SLC5A5: variants seen among roughly 807,000 people sequenced by gnomAD.
The protein encoded by SLC5A5 is solute carrier family 5 member 5.
A neutral mutation model predicts 68.6 loss-of-function variants in SLC5A5; 56 were observed. The ratio of observed to expected loss-of-function variants is 0.82; its 90% CI spans 0.66 to 1.02. SLC5A5 has a LOEUF of 1.02. Among genes scored for constraint, SLC5A5 ranks in the 50% least tolerant of loss-of-function variants. The pLI is 0.00. For missense variants in SLC5A5, 807 were observed against 859.8 expected, an observed-to-expected ratio of 0.94 and a Z score of 0.77; for synonymous variants, 398 against 373.0, an observed-to-expected ratio of 1.07 and a Z score of -0.77.
chr19:17,889,417 G>GGAAGGAAGGAAGGAAA (rs2030068226), intron 13 of SLC5A5, among the ~76,000 whole-genome samples: 1 of 117,748 alleles, frequency 8.5e-6, no homozygotes, highest in African/African-American at 3.1e-5. Context: ...AAAGAAAGAA[G>GGAAGGAAGGAAGGAAA]GAAGGAAGGA....
Position 17,877,738 on chromosome 19 carries a change from G to T in SLC5A5, c.714G>T (p.Pro238=). 1 of 1,614,126 alleles carries T rather than the reference G, an allele frequency of 6.2e-7. No individual in the cohort carries two copies. Among genetic ancestry groups the T allele is most frequent in the African/African-American group, 1.3e-5 (1 of 75,044 alleles). The change falls in exon 6 of 15, where the codon CCG becomes CCT. Residue 238 remains proline, a synonymous_variant. Coordinates refer to ENST00000222248, the MANE Select transcript of SLC5A5 (RefSeq NM_000453.3). ...CCCCACCCAGCTTTAACCCTGACCC[G>T]AGGAGCCGCTATACATTCTGGACTT... is the stretch of plus-strand genomic sequence containing the variant. ...RINLMDFNPD[P]RSRYTFWTFV...
At chr19:17,888,971 T>A (rs921922144) in intron 13 of SLC5A5, among the ~76,000 whole-genome samples, 1 of 150,852 alleles carries the variant, frequency 6.6e-6, no homozygotes, top group African/African-American at 2.4e-5. Flanking sequence ...AAAAAAGAAG[T>A]GTGTGTGTAT....
chr19:17,872,345 G>C lies in SLC5A5; in HGVS notation c.26G>C (p.Arg9Pro). MEAVETGE[R>P]PTFGAWDYGV... ...ATGGAGGCCGTGGAGACCGGGGAAC[G>C]GCCCACCTTCGGAGCCTGGGACTAC... The change falls in exon 1 of 15, where the codon CGG becomes CCG. Residue 9 changes from arginine to proline, a missense_variant. Transcript: ENST00000222248. The C allele has an allele frequency of 1.3e-6, 2 of 1,584,044 alleles. No homozygotes were observed. Among genetic ancestry groups the C allele is most frequent in the Non-Finnish European group, 1.7e-6 (2 of 1,165,998 alleles).
At position 17,882,149 on chromosome 19, in the gene SLC5A5, C is replaced by T; in HGVS notation, c.1172C>T (p.Ser391Leu). 6.2e-7 allele frequency: 1 copy of T among 1,614,098 alleles called. No homozygotes were observed. The highest frequency in any genetic ancestry group is 8.5e-7 in the Non-Finnish European group (1 of 1,179,952). The change falls in exon 10 of 15, where the codon TCA (serine) becomes TTA (leucine). Residue 391 changes from serine to leucine, a missense_variant and splice_region_variant. Physicochemically the swap from Ser to Leu is moderately radical, Grantham distance 145 (BLOSUM62 -2). Coordinates refer to ENST00000222248, the MANE Select transcript of SLC5A5 (RefSeq NM_000453.3). ...ACCGTGCCATCCTCATCCACTACAGCACTCATCTACGGATCGGCCTGTCTC... is the reference window on the plus strand; with the variant it reads ...ACCGTGCCATCCTCATCCACTACAGTACTCATCTACGGATCGGCCTGTCTC... ...RKLVIISKGL[S>L]LIYGSACLTV...
At chr19:17,876,498 C>CG (rs895380664) in intron 5 of SLC5A5, among the ~76,000 whole-genome samples, 2 of 148,860 alleles carry the variant, frequency 1.3e-5, no homozygotes, top group Non-Finnish European at 3.0e-5. Context: ...GAGGCCAAGG[C>CG]GGGGGGATCA....
chr19:17,885,505 A>G (rs2094331195), intron 12 of SLC5A5, among the ~76,000 whole-genome samples: 1 of 150,952 alleles, frequency 6.6e-6, no homozygotes, highest in Admixed American at 6.6e-5. Context: ...CAGCCTCCCA[A>G]GTAGCTGGGA....
intron 7 of SLC5A5, among the ~76,000 whole-genome samples, chr19:17,878,995 A>C (rs1005048976): frequency 6.7e-6 from 1 of 150,106 alleles, no homozygotes; most frequent in South Asian, 2.1e-4. Context: ...AAAACAAAAA[A>C]AAAAAACCAA....
chr19:17,876,149 G>A (rs758419290), intron 5 of SLC5A5, 43 bp downstream of exon 5: 14 of 1,604,326 alleles, frequency 8.7e-6, no homozygotes, highest in Non-Finnish European at 1.1e-5. Context: ...ATGGGGCTGG[G>A]ACCAGTGCGG....
intron 9 of SLC5A5, 32 bp downstream of exon 9, chr19:17,882,104 AG>A: frequency 6.2e-7 from 1 of 1,608,396 alleles, no homozygotes; most frequent in Non-Finnish European, 8.5e-7. Flanking sequence ...GTGGGAGGCC[AG>A]GGCAGTCCCT....
chr19:17,884,154 A>C, intron 12 of SLC5A5, 108 bp downstream of exon 12: 1 of 1,032,758 alleles, frequency 9.7e-7, no homozygotes, highest in African/African-American at 1.6e-5. Flanking sequence ...AGTAAAATGC[A>C]TTCCTGGGGG....
intron 5 of SLC5A5, among the ~76,000 whole-genome samples, chr19:17,877,033 A>T (rs563736731): frequency 5.9e-4 from 83 of 141,782 alleles, no homozygotes; most frequent in African/African-American, 1.7e-3. Context: ...CTCCATCTTT[A>T]AAAAAAAAAA....
intron 8 of SLC5A5, among the ~76,000 whole-genome samples, 174 bp downstream of exon 8, chr19:17,881,127 ACAGGGACCCCAAC>A (rs1243738598): frequency 3.9e-5 from 6 of 152,196 alleles, no homozygotes. Flanking sequence ...TGCCCTGGGC[ACAGGGACCCCAAC>A]TGCAAGGGTT....
chr19:17,886,721 C>T (rs1228551040), intron 12 of SLC5A5, among the ~76,000 whole-genome samples: 1 of 152,192 alleles, frequency 6.6e-6, no homozygotes, highest in Non-Finnish European at 1.5e-5. Flanking sequence ...CGCCAATACT[C>T]ATTATTCTCC....
rs1486757406 is a variant in SLC5A5 at position 17,880,967 on chromosome 19, C to T, written c.1058+14C>T. 1.9e-6 allele frequency: 3 copies of T among 1,597,726 alleles called. No homozygotes were observed. Among genetic ancestry groups the T allele is most frequent in the South Asian group, 1.1e-5 (1 of 90,796 alleles). On this transcript the variant is annotated intron_variant, in intron 8 of 14. Transcript: ENST00000222248. ...TGGCACCCTCAGGTGAGCACCCCTG[C>T]TTGTTCATGGAGCATTATTTCAGCC... is the stretch of plus-strand genomic sequence containing the variant.
At position 17,886,309 on chromosome 19, in the gene SLC5A5, CT is replaced by C. The variant is rs34377658; in HGVS notation, c.1527-2005del. ...GCTGGATCATATGGTAATTCTTTAA[CT>C]TTTTTTTTTTTTTTTTAGATGGAGT... On this transcript the variant is annotated intron_variant, in intron 12 of 14. Coordinates refer to ENST00000222248, the MANE Select transcript of SLC5A5 (RefSeq NM_000453.3). 7.8e-3 allele frequency among the ~76,000 whole-genome samples: 998 copies of C among 128,462 alleles called. 3 individuals carry two copies. The highest frequency in any genetic ancestry group is 0.018 in the African/African-American group (621 of 34,876). The allele number at this position is 128,462 out of a possible 152,430, so 84.3% of individuals were successfully genotyped here.
chr19:17,886,492 G>A, intron 12 of SLC5A5, among the ~76,000 whole-genome samples: 1 of 151,800 alleles, frequency 6.6e-6, no homozygotes, highest in East Asian at 1.9e-4. Context: ...ATTTTTAGTA[G>A]AGAAGGGGTT....
chr19:17,884,009 G>A lies in SLC5A5; in HGVS notation c.1489G>A (p.Ala497Thr), dbSNP rs753802405. Residue 497 changes from alanine to threonine, a missense_variant, in exon 12 of 15, where the codon GCT (alanine) becomes ACT (threonine). Transcript: ENST00000222248. ...SVNASGLLDP[A>T]LLPANDSSRA... ...CAACGCCTCTGGCCTCCTGGACCCGGCTCTCCTCCCTGCTAACGACTCCAG... is the reference window on the plus strand; with the variant it reads ...CAACGCCTCTGGCCTCCTGGACCCGACTCTCCTCCCTGCTAACGACTCCAG... The A allele has an allele frequency of 5.7e-6, 9 of 1,572,968 alleles. No homozygotes were observed. The South Asian group carries it at 8.1e-5, about 14-fold the overall frequency.
Position 17,876,026 on chromosome 19 carries a change from G to A in SLC5A5, c.618G>A (p.Leu206=), listed in dbSNP as rs200657758. ...TGCTAAGTGGCTTCTGGGTTGTCCT[G>A]GCACGCGGTGTCATGCTTGTGGGCG... ...VVMLSGFWVV[L]ARGVMLVGGP... is the part of the protein sequence containing the mutation. Residue 206 remains leucine, a synonymous_variant, in exon 5 of 15, where the codon CTG becomes CTA. Transcript: ENST00000222248. 2.5e-6 allele frequency: 4 copies of A among 1,614,176 alleles called. No homozygotes were observed. The highest frequency in any genetic ancestry group is 3.3e-5 in the Admixed American group (2 of 60,014).
At chr19:17,874,909 T>C (rs1330724385) in intron 4 of SLC5A5, among the ~76,000 whole-genome samples, 178 bp downstream of exon 4, 1 of 152,126 alleles carries the variant, frequency 6.6e-6, no homozygotes, top group East Asian at 1.9e-4. Flanking sequence ...TCTAGAGGTA[T>C]GGTAGCTTCA....
Sources: allele counts gnomAD v4.1 joint callset (sites outside exome capture counted in the v4.1 genomes callset), GRCh38; gene constraint gnomAD v4.1.1; transcripts MANE v1.5; gene names NCBI Gene and HGNC (gene_info 2026-07-23, HGNC 2026-07-21).